The following TAOK3 variants were observed in gnomAD, a reference collection of about 807,000 sequenced individuals.
TAOK3 encodes the protein TAO kinase 3, also known as serine/threonine-protein kinase TAO3.
A neutral mutation model predicts 120.4 loss-of-function variants in TAOK3; 40 were observed. That is an observed-to-expected ratio of 0.33 (90% CI 0.26 to 0.43). The LOEUF (loss-of-function observed/expected upper bound fraction) is 0.43. Among genes scored for constraint, TAOK3 ranks in the 20% least tolerant of loss-of-function variants. TAOK3 has a pLI of 1.00. For synonymous variants in TAOK3, 355 were observed against 387.5 expected (o/e 0.92, Z 0.99); for missense variants, 821 against 1,112.1 (o/e 0.74, Z 3.72).
At chr12:118,291,222 T>A (rs1418674365) in intron 1 of TAOK3, among the ~76,000 whole-genome samples, 2 of 150,672 alleles carry the variant, frequency 1.3e-5, no homozygotes, top group East Asian at 3.9e-4. Flanking sequence ...AATGGTGAGA[T>A]CTCAGCTTAC....
At chr12:118,301,952 C>T (rs1451509935) in intron 1 of TAOK3, among the ~76,000 whole-genome samples, 2 of 151,976 alleles carry the variant, frequency 1.3e-5, no homozygotes, top group East Asian at 3.9e-4. Flanking sequence ...TCTCCTCAGG[C>T]TATTCCTCTT....
At chr12:118,174,415 T>G (rs1453192134) in intron 16 of TAOK3, among the ~76,000 whole-genome samples, 7 of 150,492 alleles carry the variant, frequency 4.7e-5, no homozygotes, top group Non-Finnish European at 1.0e-4. Flanking sequence ...AAGACAGAAG[T>G]GTAGGCCTGT....
At chr12:118,338,809 A>G (rs2044478079) in intron 1 of TAOK3, among the ~76,000 whole-genome samples, 1 of 150,970 alleles carries the variant, frequency 6.6e-6, no homozygotes, top group Non-Finnish European at 1.5e-5. Context: ...AAAAAAAAAA[A>G]AAAAAGAGAA....
intron 1 of TAOK3, among the ~76,000 whole-genome samples, chr12:118,368,976 T>G (rs1312055877): frequency 6.8e-6 from 1 of 147,218 alleles, no homozygotes; most frequent in Non-Finnish European, 1.5e-5. Flanking sequence ...CTGGGCAATG[T>G]TGTGAAATCC....
chr12:118,301,513 T>C (rs2042877848), intron 1 of TAOK3, among the ~76,000 whole-genome samples: 1 of 152,178 alleles, frequency 6.6e-6, no homozygotes, highest in Non-Finnish European at 1.5e-5. Flanking sequence ...TTTTTCCATT[T>C]ACATCTGCAG....
intron 11 of TAOK3, among the ~76,000 whole-genome samples, chr12:118,207,706 C>T (rs1272194861): frequency 6.6e-6 from 1 of 151,972 alleles, no homozygotes; most frequent in Non-Finnish European, 1.5e-5. Context: ...AATAGAAAAA[C>T]TAGCCAGACA....
intron 1 of TAOK3, among the ~76,000 whole-genome samples, chr12:118,370,789 C>G (rs1452081147): frequency 6.6e-6 from 1 of 152,146 alleles, no homozygotes; most frequent in Non-Finnish European, 1.5e-5. Context: ...TCCCCCAACT[C>G]CCACCCCCTA....
intron 1 of TAOK3, among the ~76,000 whole-genome samples, chr12:118,346,661 T>C (rs1414451516): frequency 6.6e-6 from 1 of 152,226 alleles, no homozygotes; most frequent in Non-Finnish European, 1.5e-5. Flanking sequence ...TGGTAGTCTA[T>C]ATAATTACAT....
intron 11 of TAOK3, among the ~76,000 whole-genome samples, chr12:118,207,001 T>G (rs1342760090): frequency 6.6e-6 from 1 of 151,886 alleles, no homozygotes; most frequent in Non-Finnish European, 1.5e-5. Flanking sequence ...ATGTTTACTT[T>G]CAACACTCAA....
At chr12:118,323,321 A>G (rs2043800804) in intron 1 of TAOK3, among the ~76,000 whole-genome samples, 1 of 152,166 alleles carries the variant, frequency 6.6e-6, no homozygotes, top group South Asian at 2.1e-4. Flanking sequence ...TGCCTCTAAA[A>G]TCAGGGTAAG....
At chr12:118,227,419 C>T (rs1028427276) in intron 9 of TAOK3, among the ~76,000 whole-genome samples, 6 of 151,236 alleles carry the variant, frequency 4.0e-5, no homozygotes, top group Admixed American at 1.3e-4. Context: ...AGCAACTCCT[C>T]AGTTATGACC....
At chr12:118,279,326 T>A in intron 1 of TAOK3, among the ~76,000 whole-genome samples, 1 of 152,150 alleles carries the variant, frequency 6.6e-6, no homozygotes, top group East Asian at 1.9e-4. Flanking sequence ...TATTAATAGA[T>A]CTTTGTTGGA....
At chr12:118,305,212 G>A (rs1277849075) in intron 1 of TAOK3, among the ~76,000 whole-genome samples, 1 of 152,172 alleles carries the variant, frequency 6.6e-6, no homozygotes, top group Non-Finnish European at 1.5e-5. Context: ...CGGGTTTGGT[G>A]GTTTATGCCT....
intron 1 of TAOK3, among the ~76,000 whole-genome samples, chr12:118,347,386 C>T (rs370511981): frequency 1.3e-5 from 2 of 152,042 alleles, no homozygotes; most frequent in African/African-American, 2.4e-5. Flanking sequence ...TTCTTCAATC[C>T]GCAGTTGCTT....
intron 4 of TAOK3, among the ~76,000 whole-genome samples, chr12:118,244,660 C>T (rs972075300): frequency 4.6e-5 from 7 of 151,378 alleles, no homozygotes; most frequent in Non-Finnish European, 7.4e-5. Flanking sequence ...TCCTGAGTAG[C>T]TGGGACTACA....
At chr12:118,245,089 C>G in intron 3 of TAOK3, 124 bp from the exon 4 acceptor site, 1 of 573,140 alleles carries the variant, frequency 1.7e-6, no homozygotes, top group Non-Finnish European at 2.8e-6. Context: ...TTCTGTCGCT[C>G]AGGCTGGAGT....
intron 1 of TAOK3, among the ~76,000 whole-genome samples, chr12:118,293,929 C>T (rs189801655): frequency 2.0e-5 from 3 of 151,754 alleles, no homozygotes; most frequent in Non-Finnish European, 2.9e-5. Context: ...GTAGGAGAAT[C>T]GCTTGAACCC....
intron 1 of TAOK3, among the ~76,000 whole-genome samples, chr12:118,320,029 A>G (rs1300544389): frequency 6.6e-6 from 1 of 152,222 alleles, no homozygotes; most frequent in African/African-American, 2.4e-5. Flanking sequence ...CATAAAAAGG[A>G]ATGAAGTACT....
Position 118,216,237 on chromosome 12 carries a change from C to G in TAOK3, c.644-2127G>C, listed in dbSNP as rs554624346. 1.1e-4 allele frequency among the ~76,000 whole-genome samples: 17 copies of G among 152,248 alleles called. No individual in the cohort carries two copies. In the South Asian group the frequency reaches 3.1e-3, roughly 28 times the overall value. On this transcript the variant is annotated intron_variant, in intron 9 of 20. Coordinates refer to ENST00000392533, the MANE Select transcript of TAOK3 (RefSeq NM_016281.4). ...TGAACTTGTGGGCTCAAGCTATCCT[C>G]CTGCCTCAGCCTCCCAAAGTGCTGG...
Sources: gnomAD v4.1 joint callset for allele counts (sites outside exome capture counted in the v4.1 genomes callset) on GRCh38, gnomAD v4.1.1 for gene constraint, MANE v1.5 for transcripts, NCBI Gene and HGNC (gene_info 2026-07-23, HGNC 2026-07-21) for gene names.